The following PSMD9 variants were observed in gnomAD, a reference collection of about 807,000 sequenced individuals.
The protein encoded by PSMD9 is 26S proteasome non-ATPase regulatory subunit 9.
In PSMD9, 26 loss-of-function variants were observed where a neutral mutation model predicts 25.9. That is an observed-to-expected ratio of 1.00 (90% CI 0.73 to 1.39). PSMD9 has a LOEUF of 1.39. Among genes scored for constraint, PSMD9 ranks in the 40% most tolerant of loss-of-function variants. The pLI is 0.00. For synonymous variants in PSMD9, 110 were observed against 114.5 expected (o/e 0.96, Z 0.25); for missense variants, 303 against 299.3 (o/e 1.01, Z -0.09).
rs1299838459 is a variant in PSMD9, at chr12:121,911,873, G to A, written c.556-3983G>A. ...TCACCATGTTGACCAGGCTCGCCTCGAACTCCTGACCTCAAGTAATCCACC... is the reference window on the plus strand; with the variant it reads ...TCACCATGTTGACCAGGCTCGCCTCAAACTCCTGACCTCAAGTAATCCACC... On this transcript the variant is annotated intron_variant, in intron 4 of 5. Transcript: ENST00000541212. Among the ~76,000 whole-genome samples, 8 of 151,446 alleles carry A rather than the reference G, an allele frequency of 5.3e-5. 1 individual carries two copies. Among genetic ancestry groups the A allele is most frequent in the African/African-American group, 9.7e-5 (4 of 41,206 alleles).
chr12:121,917,214 TG>T lies in PSMD9; in HGVS notation c.*906del. The T allele has an allele frequency of 7.3e-6, 1 of 136,864 alleles. No homozygotes were observed. Among genetic ancestry groups the T allele is most frequent in the African/African-American group, 2.7e-5 (1 of 37,490 alleles). The allele number at this position is 136,864 out of a possible 1,614,324, so 8.5% of individuals were successfully genotyped here. On this transcript the variant is annotated 3_prime_UTR_variant, in exon 6 of 6. Coordinates refer to ENST00000541212, the MANE Select transcript of PSMD9 (RefSeq NM_002813.7). ...GTTGACCAGGTTGGTCTCGAACTCC[TG>T]GGCTCAAGCAGTCCTCCTGCCTTGG... is the stretch of plus-strand genomic sequence containing the variant.
At position 121,903,111 on chromosome 12, in the gene PSMD9, A is replaced by G; in HGVS notation, c.555+4A>G. 2 of 1,611,692 alleles carry G rather than the reference A, an allele frequency of 1.2e-6. No homozygotes were observed. Among genetic ancestry groups the G allele is most frequent in the Non-Finnish European group, 1.7e-6 (2 of 1,178,030 alleles). ...TGTGGTGCAGCACAGTGAGGGGGTG[A>G]GTGGGGCTACCTGGTGTCTCGGTCT... is the stretch of plus-strand genomic sequence containing the variant. On this transcript the variant is annotated splice_donor_region_variant and intron_variant, in intron 4 of 5. Coordinates refer to ENST00000541212, the MANE Select transcript of PSMD9 (RefSeq NM_002813.7).
rs2291116 is a variant in PSMD9 at position 121,894,821 on chromosome 12, C to T, written c.221C>T (p.Thr74Ile). ...RSDVDLYQVRTARHNIICLQN... is the reference protein window; with the variant it reads ...RSDVDLYQVRIARHNIICLQN... ...GACGTGGACCTGTACCAAGTCCGCA[C>T]CGCCAGGCACAACATCATATGTGAG... The change falls in exon 2 of 6, where the codon ACC (threonine) becomes ATC (isoleucine). Residue 74 changes from threonine to isoleucine, a missense_variant. Physicochemically the swap from Thr to Ile is moderately conservative, Grantham distance 89. Coordinates refer to ENST00000541212, the MANE Select transcript of PSMD9 (RefSeq NM_002813.7). 1,857 of 1,613,654 alleles carry T rather than the reference C, an allele frequency of 1.2e-3. 33 individuals carry two copies. The East Asian group carries it at 0.037, about 32-fold the overall frequency.
chr12:121,905,524 G>A (rs1259328430), intron 4 of PSMD9, among the ~76,000 whole-genome samples: 1 of 147,196 alleles, frequency 6.8e-6, no homozygotes, highest in Non-Finnish European at 1.5e-5. Flanking sequence ...ACACCCAGCC[G>A]AGTTTTCTTT....
rs1565898316 is a variant in PSMD9 at position 121,918,239 on chromosome 12, G to C, written c.*1928G>C. The C allele has an allele frequency of 6.6e-6, 1 of 152,220 alleles. No homozygotes were observed. Among genetic ancestry groups the C allele is most frequent in the Non-Finnish European group, 1.5e-5 (1 of 68,092 alleles). The allele number at this position is 152,220 out of a possible 1,614,324, so 9.4% of individuals were successfully genotyped here. A position where few individuals can be genotyped will look rare whatever the true frequency, so the allele number is the denominator to read the frequency against. ...TGCCCGGTGAGGAGGCAGGCAGGAC[G>C]GTTGTGTGCTGCATCCATGAGACCT... On this transcript the variant is annotated 3_prime_UTR_variant, in exon 6 of 6. Transcript: ENST00000541212. This position sits in a 1 kb window ranked among gnomAD's most constrained non-coding sequence, Gnocchi z 4.3.
chr12:121,891,134 A>T (rs1423608889), intron 1 of PSMD9, among the ~76,000 whole-genome samples: 18 of 147,616 alleles, frequency 1.2e-4, no homozygotes, highest in Admixed American at 6.0e-4. Context: ...CCTACAAAAA[A>T]TTTTTTTAAA....
chr12:121,916,014 G>C, intron 5 of PSMD9, 70 bp downstream of exon 5: 1 of 1,467,908 alleles, frequency 6.8e-7, no homozygotes, highest in South Asian at 1.2e-5. Flanking sequence ...GAAGCTGGAG[G>C]GGAAGGCTGG....
chr12:121,903,756 T>C (rs909654909), intron 4 of PSMD9, among the ~76,000 whole-genome samples: 2 of 148,736 alleles, frequency 1.3e-5, no homozygotes, highest in Admixed American at 6.7e-5. Flanking sequence ...TCTTTTCTTT[T>C]TTTTTTTTTT....
intron 4 of PSMD9, among the ~76,000 whole-genome samples, chr12:121,908,798 G>A (rs1592948587): frequency 6.6e-6 from 1 of 152,124 alleles, no homozygotes; most frequent in South Asian, 2.1e-4. Context: ...TTCTCTGGTC[G>A]AGGGGAAGCT....
intron 4 of PSMD9, among the ~76,000 whole-genome samples, chr12:121,910,724 C>T (rs551368300): frequency 6.6e-6 from 1 of 151,542 alleles, no homozygotes; most frequent in Non-Finnish European, 1.5e-5. Flanking sequence ...CACGCCACTG[C>T]ACTCTGGCCT....
chr12:121,913,146 G>A (rs927898737), intron 4 of PSMD9, among the ~76,000 whole-genome samples: 2 of 151,932 alleles, frequency 1.3e-5, no homozygotes, highest in Non-Finnish European at 2.9e-5. Flanking sequence ...GGGTTTCACT[G>A]TGTTAGCCAC....
In PSMD9 at chr12:121,910,121, C is replaced by G. The variant is rs868361173; in HGVS notation, c.556-5735C>G. Among the ~76,000 whole-genome samples, 3 of 127,658 alleles carry G rather than the reference C, an allele frequency of 2.4e-5. No individual in the cohort carries two copies. In the South Asian group the frequency reaches 7.4e-4, roughly 31 times the overall value. 83.7% of individuals were successfully genotyped at this position (127,658 alleles called of 152,430 possible). A position where few individuals can be genotyped will look rare whatever the true frequency, so the allele number is the denominator to read the frequency against. ...TTTTTTTTTGAGATGGAGTCTCGCT[C>G]TATAGCCAGGCTGGAGTGCAGCGGC... On this transcript the variant is annotated intron_variant, in intron 4 of 5. Transcript: ENST00000541212.
intron 4 of PSMD9, among the ~76,000 whole-genome samples, chr12:121,909,668 T>C (rs541391893): frequency 5.3e-5 from 8 of 152,254 alleles, no homozygotes; most frequent in South Asian, 4.1e-4. Flanking sequence ...CTAATGTACA[T>C]GTTACTCTGC....
chr12:121,916,241 G>A lies in PSMD9; in HGVS notation c.645-43G>A, dbSNP rs746700358. ...GGCTCAGCCTCTGACCTTCCTGAAG[G>A]GAGCCTCCAAACTTACGCCATTCCT... On this transcript the variant is annotated intron_variant, in intron 5 of 5. Coordinates refer to ENST00000541212, the MANE Select transcript of PSMD9 (RefSeq NM_002813.7). The A allele has an allele frequency of 5.6e-6, 9 of 1,612,336 alleles. No individual in the cohort carries two copies. In the Admixed American group the frequency reaches 1.2e-4, roughly 21 times the overall value.
intron 1 of PSMD9, 100 bp downstream of exon 1, chr12:121,889,094 G>A: frequency 6.9e-7 from 1 of 1,455,210 alleles, no homozygotes; most frequent in Non-Finnish European, 9.3e-7. Context: ...CTCCGCAACG[G>A]ATCTCCCTGG....
In PSMD9 at chr12:121,918,160, T is replaced by G. The variant is rs1162861153; in HGVS notation, c.*1849T>G. On this transcript the variant is annotated 3_prime_UTR_variant, in exon 6 of 6. Transcript: ENST00000541212. This position sits in a 1 kb window ranked among gnomAD's most constrained non-coding sequence, Gnocchi z 4.3. ...CTTTGTGCTGAGAACCGCAAGCTGG[T>G]GCACCCTGTGTCATATCTGCCCCCA... 1 of 152,292 alleles carries G rather than the reference T, an allele frequency of 6.6e-6. No homozygotes were observed. Among genetic ancestry groups the G allele is most frequent in the African/African-American group, 2.4e-5 (1 of 41,456 alleles). The allele number at this position is 152,292 out of a possible 1,614,324, so 9.4% of individuals were successfully genotyped here.
At chr12:121,893,751 T>G (rs1321000030) in intron 1 of PSMD9, 1 of 152,226 alleles carries the variant, frequency 6.6e-6, no homozygotes, top group Non-Finnish European at 1.5e-5. Context: ...CCAGATGAGC[T>G]TATCTCGAGA....
At chr12:121,902,259 G>C (rs1182013446) in intron 3 of PSMD9, 1 of 152,004 alleles carries the variant, frequency 6.6e-6, no homozygotes, top group East Asian at 1.9e-4. Context: ...GTTCCTGCCA[G>C]GTGGAATGGG....
rs1168657666 is a variant in PSMD9 at position 121,915,901 on chromosome 12, C to T, written c.601C>T (p.Leu201Phe). ...TVIRRGEKHQLRLVPTRWAGK... is the reference protein window; with the variant it reads ...TVIRRGEKHQFRLVPTRWAGK... Reference sequence around the variant, plus strand: ...GATCCGCAGGGGGGAAAAACACCAGCTTAGACTTGTTCCAACACGCTGGGC... The same window carrying T: ...GATCCGCAGGGGGGAAAAACACCAGTTTAGACTTGTTCCAACACGCTGGGC... The change falls in exon 5 of 6, where the codon CTT becomes TTT. Residue 201 changes from leucine (L) to phenylalanine (F), a missense_variant. Leu to Phe is a conservative substitution (Grantham distance 22). Transcript: ENST00000541212. 5 of 1,613,964 alleles carry T rather than the reference C, an allele frequency of 3.1e-6. No homozygotes were observed. In the South Asian group the frequency reaches 4.4e-5, roughly 14 times the overall value.
Sources: allele counts gnomAD v4.1 joint callset (sites outside exome capture counted in the v4.1 genomes callset), GRCh38; gene constraint gnomAD v4.1.1; non-coding constraint Gnocchi (gnomAD v3.1); transcripts MANE v1.5; gene names NCBI Gene and HGNC (gene_info 2026-07-23, HGNC 2026-07-21).